Variants in AJAP1 observed in about 807,000 individuals in gnomAD.
AJAP1 encodes adherens junction-associated protein 1.
AJAP1 carries 5 observed loss-of-function variants against 35.0 expected under a neutral mutation model. The ratio of observed to expected loss-of-function variants is 0.14; its 90% CI spans 0.07 to 0.30. The LOEUF is 0.30. Among genes scored for constraint, AJAP1 ranks in the 10% least tolerant of loss-of-function variants. The pLI is 1.00. For missense variants in AJAP1, 586 were observed against 571.0 expected (o/e 1.03, Z -0.27); for synonymous variants, 284 against 249.3 (o/e 1.14, Z -1.31).
At chr1:4,730,156 C>T (rs1281663348) in intron 2 of AJAP1, among the ~76,000 whole-genome samples, 2 of 152,344 alleles carry the variant, frequency 1.3e-5, no homozygotes, top group South Asian at 2.1e-4. Context: ...GATTCCACCC[C>T]TACAAGAATG....
chr1:4,713,575 C>T (rs1441092540), intron 2 of AJAP1, among the ~76,000 whole-genome samples: 1 of 152,218 alleles, frequency 6.6e-6, no homozygotes, highest in Non-Finnish European at 1.5e-5. Flanking sequence ...CTGATGTCAC[C>T]AGGCTTCACA....
intron 2 of AJAP1, among the ~76,000 whole-genome samples, chr1:4,714,109 T>G (rs976780142): frequency 2.6e-5 from 4 of 151,986 alleles, no homozygotes; most frequent in Admixed American, 6.6e-5. Flanking sequence ...GAACCTGCGG[T>G]TTTTTTTCTG....
chr1:4,664,905 A>G (rs1341588113), intron 1 of AJAP1, among the ~76,000 whole-genome samples: 1 of 152,152 alleles, frequency 6.6e-6, no homozygotes. Flanking sequence ...TACGATATAT[A>G]TAAAAGATTC....
Position 4,655,598 on chromosome 1 carries a change from G to A in AJAP1, c.29+144G>A, listed in dbSNP as rs895795184. 7 of 1,042,016 alleles carry A rather than the reference G, an allele frequency of 6.7e-6. No homozygotes were observed. Among genetic ancestry groups the A allele is most frequent in the African/African-American group, 1.7e-5 (1 of 58,462 alleles). The allele number at this position is 1,042,016 out of a possible 1,614,324, so 64.5% of individuals were successfully genotyped here. ...AACGGGGTGCACCGGTAGCCGGAAA[G>A]GGGCGCCCGCCCGGAGCCTGGAGCA... On this transcript the variant is annotated intron_variant, in intron 1 of 5. Coordinates refer to ENST00000378191, the MANE Select transcript of AJAP1 (RefSeq NM_018836.4). This position sits in a 1 kb window ranked among gnomAD's most constrained non-coding sequence, Gnocchi z 6.9.
chr1:4,771,473 A>G (rs1374061251), intron 3 of AJAP1, among the ~76,000 whole-genome samples: 1 of 152,150 alleles, frequency 6.6e-6, no homozygotes, highest in Non-Finnish European at 1.5e-5. Context: ...ATGGCCCCCA[A>G]TGCGGGGAGA....
At chr1:4,718,504 T>TA (rs1640445995) in intron 2 of AJAP1, among the ~76,000 whole-genome samples, 1 of 151,468 alleles carries the variant, frequency 6.6e-6, no homozygotes. Context: ...TTTTTTTTTT[T>TA]AGATGGAGTC....
At chr1:4,697,443 T>C (rs1164784482) in intron 1 of AJAP1, among the ~76,000 whole-genome samples, 2 of 152,240 alleles carry the variant, frequency 1.3e-5, no homozygotes. Context: ...CTGTCATGGT[T>C]TGTGTTCAAA....
intron 2 of AJAP1, among the ~76,000 whole-genome samples, chr1:4,722,110 G>T (rs1488684593): frequency 6.6e-6 from 1 of 152,216 alleles, no homozygotes; most frequent in Non-Finnish European, 1.5e-5. Context: ...CCAAAATGGT[G>T]AACAACTTTC....
rs140529841 is a variant in AJAP1 at position 4,683,377 on chromosome 1, C to A, written c.29+27923C>A. ...ATACAGCTTCCTTGGCCCGCCCTCACTGTTTCCCATTCAGTGGTCTGGGCT... is the reference window on the plus strand; with the variant it reads ...ATACAGCTTCCTTGGCCCGCCCTCAATGTTTCCCATTCAGTGGTCTGGGCT... On this transcript the variant is annotated intron_variant, in intron 1 of 5. Coordinates refer to ENST00000378191, the MANE Select transcript of AJAP1 (RefSeq NM_018836.4). Among the ~76,000 whole-genome samples the A allele has an allele frequency of 3.7e-4, 56 of 152,322 alleles. No homozygotes were observed. The East Asian group carries it at 0.01, about 28-fold the overall frequency.
chr1:4,704,050 A>G (rs572688467), intron 1 of AJAP1, among the ~76,000 whole-genome samples: 1 of 152,310 alleles, frequency 6.6e-6, no homozygotes, highest in African/African-American at 2.4e-5. Context: ...GGGGTTAAGC[A>G]AAGGAAAAAT....
intron 1 of AJAP1, among the ~76,000 whole-genome samples, chr1:4,705,675 G>A (rs759651474): frequency 1.3e-5 from 2 of 151,866 alleles, no homozygotes; most frequent in Non-Finnish European, 2.9e-5. Context: ...GTCTCATCAC[G>A]GGACACACTT....
intron 2 of AJAP1, among the ~76,000 whole-genome samples, chr1:4,737,380 G>A (rs953208198): frequency 2.0e-5 from 3 of 152,150 alleles, no homozygotes; most frequent in South Asian, 2.1e-4. Flanking sequence ...CTGATTACCC[G>A]GCAAGGATGG....
chr1:4,710,756 T>C (rs1640212069), intron 1 of AJAP1, among the ~76,000 whole-genome samples: 1 of 152,250 alleles, frequency 6.6e-6, no homozygotes, highest in Admixed American at 6.5e-5. Flanking sequence ...ATAATCAGTC[T>C]TCAATTATCT....
chr1:4,738,186 C>CATGG (rs1302879716), intron 2 of AJAP1, among the ~76,000 whole-genome samples: 2 of 152,246 alleles, frequency 1.3e-5, no homozygotes, highest in African/African-American at 4.8e-5. Flanking sequence ...CCCCCAGCCA[C>CATGG]ATGGCAGGCC....
intron 2 of AJAP1, among the ~76,000 whole-genome samples, chr1:4,750,910 C>T (rs1049169051): frequency 2.7e-5 from 4 of 149,220 alleles, no homozygotes; most frequent in African/African-American, 9.9e-5. Flanking sequence ...AGGGAAAAGA[C>T]CTCCAATCCC....
chr1:4,713,792 G>A (rs242057), intron 2 of AJAP1, among the ~76,000 whole-genome samples: 123,410 of 152,320 alleles, frequency 0.81, 50,362 homozygotes, highest in East Asian at 1. Flanking sequence ...TCAGTACAAA[G>A]TGGGCGGGGG....
chr1:4,702,241 G>A (rs1557615698), intron 1 of AJAP1, among the ~76,000 whole-genome samples: 1 of 152,190 alleles, frequency 6.6e-6, no homozygotes, highest in Non-Finnish European at 1.5e-5. Flanking sequence ...TTGGGACCTC[G>A]TTCCTGAGCA....
At chr1:4,697,932 C>T (rs902299627) in intron 1 of AJAP1, among the ~76,000 whole-genome samples, 1 of 152,258 alleles carries the variant, frequency 6.6e-6, no homozygotes. Context: ...AGTCCGCGTT[C>T]TGTGCTCTTT....
chr1:4,714,781 A>G (rs1640350333), intron 2 of AJAP1, among the ~76,000 whole-genome samples: 1 of 152,210 alleles, frequency 6.6e-6, no homozygotes, highest in Admixed American at 6.5e-5. Flanking sequence ...GGTTTACAGC[A>G]GCGCTCATCA....
Sources: allele counts gnomAD v4.1 joint callset (sites outside exome capture counted in the v4.1 genomes callset), GRCh38; gene constraint gnomAD v4.1.1; non-coding constraint Gnocchi (gnomAD v3.1); transcripts MANE v1.5; gene names NCBI Gene and HGNC (gene_info 2026-07-23, HGNC 2026-07-21).